Variants in LOC400499 observed in about 807,000 individuals in gnomAD.
chr16:11,524,361 G>GCCCCCCCCCCCCCCCCCCCCCCCCCCCCC, the LOC400499 span, among the ~76,000 whole-genome samples: 1 of 93,740 alleles, frequency 1.1e-5, no homozygotes, highest in South Asian at 3.2e-4. Flanking sequence ...CATCCACCCA[G>GCCCCCCCCCCCCCCCCCCCCCCCCCCCCC]CCACCCACCC....
chr16:11,522,324 AC>A, the LOC400499 span, among the ~76,000 whole-genome samples: 3 of 152,204 alleles, frequency 2.0e-5, no homozygotes, highest in Non-Finnish European at 2.9e-5. Flanking sequence ...CTCAATAAGT[AC>A]TAGCCAGTGT....
the LOC400499 span, among the ~76,000 whole-genome samples, chr16:11,455,565 T>C: frequency 2.6e-5 from 4 of 151,480 alleles, no homozygotes; most frequent in Non-Finnish European, 4.4e-5. Flanking sequence ...TGAAACCCCG[T>C]CTCTACTAAA....
chr16:11,503,089 T>C, the LOC400499 span, among the ~76,000 whole-genome samples: 1 of 150,696 alleles, frequency 6.6e-6, no homozygotes, highest in Non-Finnish European at 1.5e-5. Flanking sequence ...GCTCAGCTAA[T>C]TTTTTTGTAT....
the LOC400499 span, among the ~76,000 whole-genome samples, chr16:11,447,310 A>G: frequency 6.6e-6 from 1 of 152,152 alleles, no homozygotes; most frequent in African/African-American, 2.4e-5. Flanking sequence ...AGGCTAAAAT[A>G]ATACTGATTG....
the LOC400499 span, chr16:11,396,700 A>G: frequency 3.2e-6 from 4 of 1,231,756 alleles, no homozygotes; most frequent in African/African-American, 4.7e-5. Flanking sequence ...TCTAGGTGTC[A>G]GGCAGGCACA....
the LOC400499 span, among the ~76,000 whole-genome samples, chr16:11,491,490 A>C: frequency 6.6e-6 from 1 of 152,230 alleles, no homozygotes; most frequent in Admixed American, 6.5e-5. Context: ...ATCCAATGGC[A>C]GAATGGGGAC....
the LOC400499 span, among the ~76,000 whole-genome samples, chr16:11,428,827 A>G: frequency 2.6e-5 from 4 of 152,152 alleles, no homozygotes; most frequent in Non-Finnish European, 5.9e-5. Flanking sequence ...TAGGGGATAA[A>G]GAAAATAACA....
the LOC400499 span, among the ~76,000 whole-genome samples, chr16:11,489,635 T>C: frequency 1.3e-5 from 2 of 152,000 alleles, no homozygotes; most frequent in Non-Finnish European, 1.5e-5. Context: ...AGGGATAAGG[T>C]GCCCACTTAT....
chr16:11,512,495 C>T, the LOC400499 span, among the ~76,000 whole-genome samples: 1 of 151,158 alleles, frequency 6.6e-6, no homozygotes, highest in Non-Finnish European at 1.5e-5. Context: ...GCCAGGTACT[C>T]AGAGGCTGAG....
the LOC400499 span, among the ~76,000 whole-genome samples, chr16:11,517,710 C>T: frequency 6.6e-6 from 1 of 152,164 alleles, no homozygotes; most frequent in Non-Finnish European, 1.5e-5. Flanking sequence ...GAATTCAGCC[C>T]CGTGCTCCTC....
At chr16:11,501,093 G>A in the LOC400499 span, 1 of 360,866 alleles carries the variant, frequency 2.8e-6, no homozygotes, top group African/African-American at 2.6e-5. Flanking sequence ...CACACCTTGG[G>A]AGGGGCTGAC....
chr16:11,481,684 G>C, the LOC400499 span, among the ~76,000 whole-genome samples: 2 of 151,980 alleles, frequency 1.3e-5, no homozygotes, highest in Non-Finnish European at 2.9e-5. Flanking sequence ...TCAGGCTGGA[G>C]TGCAGTGGTG....
At chr16:11,439,032 C>T in the LOC400499 span, among the ~76,000 whole-genome samples, 2 of 152,092 alleles carry the variant, frequency 1.3e-5, no homozygotes, top group Non-Finnish European at 2.9e-5. Flanking sequence ...TTGAATTAGC[C>T]ACCCCCTAAT....
the LOC400499 span, chr16:11,487,451 A>G: frequency 8.8e-5 from 35 of 398,376 alleles, no homozygotes; most frequent in African/African-American, 6.4e-4. Flanking sequence ...GGCTATTACC[A>G]CAGGGCCATA....
the LOC400499 span, among the ~76,000 whole-genome samples, chr16:11,390,622 A>C: frequency 6.6e-3 from 1,003 of 152,286 alleles, 13 homozygotes; most frequent in African/African-American, 0.023. Context: ...TGGAGATTGC[A>C]GGGGAGTTGT....
the LOC400499 span, among the ~76,000 whole-genome samples, chr16:11,456,121 C>T: frequency 4.2e-4 from 63 of 151,624 alleles, no homozygotes; most frequent in African/African-American, 1.4e-3. Context: ...CTCTGCTCAC[C>T]GAAACCTCCG....
chr16:11,498,844 C>T, the LOC400499 span, among the ~76,000 whole-genome samples: 1 of 151,440 alleles, frequency 6.6e-6, no homozygotes, highest in Non-Finnish European at 1.5e-5. Context: ...CCGCACACAC[C>T]ATACAATTCA....
At chr16:11,419,652 G>C in the LOC400499 span, among the ~76,000 whole-genome samples, 1 of 152,198 alleles carries the variant, frequency 6.6e-6, no homozygotes, top group South Asian at 2.1e-4. Context: ...ACTACCATCA[G>C]AGTGAACAGG....
At chr16:11,475,231 A>G in the LOC400499 span, among the ~76,000 whole-genome samples, 4 of 152,122 alleles carry the variant, frequency 2.6e-5, no homozygotes, top group Non-Finnish European at 5.9e-5. Flanking sequence ...TGTAACCTAG[A>G]TGACAGGTTG....
Sources: allele counts gnomAD v4.1 joint callset (sites outside exome capture counted in the v4.1 genomes callset), GRCh38; gene constraint gnomAD v4.1.1; transcripts MANE v1.5.